RPTOR: variants seen among roughly 807,000 people sequenced by gnomAD.
The protein encoded by RPTOR is regulatory associated protein of MTOR complex 1, also known as regulatory-associated protein of mTOR.
In RPTOR, 21 loss-of-function variants were observed where a neutral mutation model predicts 169.9. The ratio of observed to expected loss-of-function variants is 0.12; its 90% confidence interval spans 0.09 to 0.18. RPTOR has a LOEUF of 0.18. RPTOR is among the 10% of genes least tolerant of loss of function. The pLI is 1.00. For synonymous variants in RPTOR, 732 were observed against 753.2 expected, an observed-to-expected ratio of 0.97 and a Z score of 0.46; for missense variants, 1,133 against 1,855.9, an observed-to-expected ratio of 0.61 and a Z score of 7.16.
At chr17:80,752,512 A>G (rs1245760041) in intron 5 of RPTOR, among the ~76,000 whole-genome samples, 2 of 152,132 alleles carry the variant, frequency 1.3e-5, no homozygotes, top group Non-Finnish European at 1.5e-5. Flanking sequence ...ATAATCCCTC[A>G]TGTGTTATAC....
rs188320183 is a variant in RPTOR at position 80,565,086 on chromosome 17, A to G, written c.162+19295A>G. On this transcript the variant is annotated intron_variant, in intron 1 of 33. Coordinates refer to ENST00000306801, the MANE Select transcript of RPTOR (RefSeq NM_020761.3). ...TGTGAGTAGTGCTGCAGTGAACATA[A>G]GCATGCGTGTCTTTATGGTAGAAGG... Among the ~76,000 whole-genome samples, 197 of 152,278 alleles carry G rather than the reference A, an allele frequency of 1.3e-3. 1 individual carries two copies. The highest frequency in any genetic ancestry group is 5.9e-3 in the Admixed American group (90 of 15,290).
At chr17:80,847,723 A>G (rs977031728) in intron 11 of RPTOR, among the ~76,000 whole-genome samples, 32 of 152,166 alleles carry the variant, frequency 2.1e-4, no homozygotes, top group Admixed American at 1.3e-4. Flanking sequence ...TCGCCTTCCT[A>G]GAAAGCAGAT....
Position 80,545,094 on chromosome 17 carries a change from G to A in RPTOR, c.-536G>A, listed in dbSNP as rs746902269. 2 of 233,698 alleles carry A rather than the reference G, an allele frequency of 8.6e-6. No homozygotes were observed. The highest frequency in any genetic ancestry group is 4.4e-5 in the African/African-American group (2 of 45,354). 14.5% of individuals were successfully genotyped at this position (233,698 alleles called of 1,614,324 possible). Reference sequence around the variant, plus strand: ...AGCACGATGGGCCGGTCGTGGCTCTGGTTGCAGCAGCTCAGACGAGTGCGG... The same window carrying A: ...AGCACGATGGGCCGGTCGTGGCTCTAGTTGCAGCAGCTCAGACGAGTGCGG... On this transcript the variant is annotated 5_prime_UTR_variant, in exon 1 of 34. The change creates a premature stop within an existing upstream ORF in the 5' untranslated region. Transcript: ENST00000306801.
chr17:80,885,192 G>T, intron 17 of RPTOR, 44 bp downstream of exon 17: 1 of 1,541,118 alleles, frequency 6.5e-7, no homozygotes, highest in South Asian at 1.2e-5. Context: ...ACCCAGGCTG[G>T]ACCCCGTGAC....
At chr17:80,680,914 GA>G (rs2065893343) in intron 3 of RPTOR, among the ~76,000 whole-genome samples, 1 of 152,166 alleles carries the variant, frequency 6.6e-6, no homozygotes, top group Non-Finnish European at 1.5e-5. Context: ...GATGGGCTTT[GA>G]AATGTGGCCT....
chr17:80,762,325 G>A (rs958437462), intron 6 of RPTOR, among the ~76,000 whole-genome samples: 5 of 152,136 alleles, frequency 3.3e-5, no homozygotes, highest in Admixed American at 6.5e-5. Context: ...CAGCACAGCC[G>A]GAGACTTTGC....
At chr17:80,928,372 C>T (rs946057546) in intron 24 of RPTOR, among the ~76,000 whole-genome samples, 5 of 152,130 alleles carry the variant, frequency 3.3e-5, no homozygotes, top group Admixed American at 2.6e-4. Flanking sequence ...TATTAGCCTG[C>T]TTCACATGTA....
At chr17:80,665,496 TCCTTTCCATG>T (rs2065768146) in intron 3 of RPTOR, among the ~76,000 whole-genome samples, 1 of 51,174 alleles carries the variant, frequency 2.0e-5, no homozygotes, top group African/African-American at 1.3e-4. Context: ...TCCTTTCCTT[TCCTTTCCATG>T]TCCTTTCCTT....
chr17:80,916,439 G>A (rs548894645), intron 21 of RPTOR, among the ~76,000 whole-genome samples: 19 of 152,350 alleles, frequency 1.2e-4, no homozygotes, highest in Non-Finnish European at 1.8e-4. Flanking sequence ...GCATGGCTGC[G>A]CACAGTGGCT....
At chr17:80,884,363 G>A (rs961285724) in intron 16 of RPTOR, among the ~76,000 whole-genome samples, 10 of 152,222 alleles carry the variant, frequency 6.6e-5, no homozygotes, top group Admixed American at 2.0e-4. Flanking sequence ...GGAAAGGTGC[G>A]GGGCACTGCC....
chr17:80,889,680 C>T (rs1211725664), intron 17 of RPTOR, among the ~76,000 whole-genome samples: 3 of 152,210 alleles, frequency 2.0e-5, no homozygotes, highest in Non-Finnish European at 2.9e-5. Flanking sequence ...GTGTGTGTTG[C>T]TGTCAGAGCC....
At chr17:80,827,024 A>G (rs907191450) in intron 9 of RPTOR, among the ~76,000 whole-genome samples, 4 of 152,236 alleles carry the variant, frequency 2.6e-5, no homozygotes, top group African/African-American at 9.6e-5. Flanking sequence ...GGGAAGGAAG[A>G]GGCGAGCAGG....
intron 1 of RPTOR, among the ~76,000 whole-genome samples, chr17:80,553,280 G>A (rs554237401): frequency 6.6e-6 from 1 of 152,330 alleles, no homozygotes; most frequent in East Asian, 1.9e-4. Flanking sequence ...TGGAGGAGGA[G>A]CATCTGCTGC....
intron 9 of RPTOR, among the ~76,000 whole-genome samples, chr17:80,832,791 A>G (rs1475663821): frequency 6.6e-6 from 1 of 152,234 alleles, no homozygotes; most frequent in Non-Finnish European, 1.5e-5. Flanking sequence ...GGGAGCACAC[A>G]GGAAAGATAG....
intron 4 of RPTOR, among the ~76,000 whole-genome samples, chr17:80,714,878 C>T (rs1598249914): frequency 6.6e-6 from 1 of 152,118 alleles, no homozygotes; most frequent in Non-Finnish European, 1.5e-5. Flanking sequence ...CGTCCACCAC[C>T]GTTCCCAGCT....
At chr17:80,585,489 C>T (rs1409272765) in intron 1 of RPTOR, among the ~76,000 whole-genome samples, 1 of 151,616 alleles carries the variant, frequency 6.6e-6, no homozygotes, top group Non-Finnish European at 1.5e-5. Flanking sequence ...CAGGCGTGAG[C>T]CACCGCGGCT....
intron 7 of RPTOR, among the ~76,000 whole-genome samples, chr17:80,797,017 G>A (rs1407281541): frequency 1.3e-5 from 2 of 152,190 alleles, no homozygotes; most frequent in Admixed American, 1.3e-4. Context: ...CATAGACACA[G>A]TGACTTCTCC....
intron 1 of RPTOR, among the ~76,000 whole-genome samples, chr17:80,621,002 G>C (rs1298603486): frequency 6.6e-6 from 1 of 152,150 alleles, no homozygotes; most frequent in Non-Finnish European, 1.5e-5. Flanking sequence ...CAGGATGTAG[G>C]GTTAGGTGTG....
chr17:80,862,591 C>T (rs1044104899), intron 13 of RPTOR, among the ~76,000 whole-genome samples: 5 of 150,710 alleles, frequency 3.3e-5, no homozygotes, highest in Non-Finnish European at 7.4e-5. Context: ...TGCTGGTGGT[C>T]CTCTGGAGCT....
Sources: gnomAD v4.1 joint callset for allele counts (sites outside exome capture counted in the v4.1 genomes callset) on GRCh38, gnomAD v4.1.1 for gene constraint, MANE v1.5 for transcripts, NCBI Gene and HGNC (gene_info 2026-07-23, HGNC 2026-07-21) for gene names.